Variants in ADGRA1 observed in about 807,000 individuals in gnomAD.
ADGRA1 encodes the protein G-protein coupled receptor 123.
ADGRA1 carries 12 observed loss-of-function variants against 21.3 expected under a neutral mutation model. The ratio of observed to expected loss-of-function variants is 0.56; its 90% CI spans 0.36 to 0.91. The LOEUF is 0.91. Among genes scored for constraint, ADGRA1 ranks in the 40% least tolerant of loss-of-function variants. ADGRA1 has a pLI of 0.01. For missense variants in ADGRA1, 790 were observed against 805.6 expected, an observed-to-expected ratio of 0.98 and a Z score of 0.23; for synonymous variants, 385 against 368.8, an observed-to-expected ratio of 1.04 and a Z score of -0.50.
chr10:133,105,436 C>T (rs542913555), intron 5 of ADGRA1, among the ~76,000 whole-genome samples: 55 of 152,036 alleles, frequency 3.6e-4, no homozygotes, highest in African/African-American at 1.1e-3. Flanking sequence ...GAACTCAGGA[C>T]GCTCCTGAGC....
intron 5 of ADGRA1, among the ~76,000 whole-genome samples, chr10:133,119,066 G>GCA (rs578078229): frequency 6.6e-6 from 1 of 151,716 alleles, no homozygotes; most frequent in Non-Finnish European, 1.5e-5. Flanking sequence ...ATTGCACACT[G>GCA]CACACACACA....
rs973888353 is a variant in ADGRA1, at chr10:133,128,973, C to T, written c.1145C>T (p.Pro382Leu). 1.3e-6 allele frequency: 2 copies of T among 1,559,060 alleles called. No individual in the cohort carries two copies. Among genetic ancestry groups the T allele is most frequent in the Admixed American group, 1.8e-5 (1 of 54,874 alleles). ...GHASCLSPATPCCAKMHCEPL... is the reference protein window; with the variant it reads ...GHASCLSPATLCCAKMHCEPL... ...GCCAGTTGCCTGTCACCGGCCACCCCGTGCTGCGCCAAGATGCACTGCGAG... is the reference window on the plus strand; with the variant it reads ...GCCAGTTGCCTGTCACCGGCCACCCTGTGCTGCGCCAAGATGCACTGCGAG... The change falls in exon 7 of 7, where the codon CCG becomes CTG. Residue 382 changes from proline (P) to leucine (L), a missense_variant. Pro to Leu is a moderately conservative substitution (Grantham distance 98). Transcript: ENST00000392607.
intron 5 of ADGRA1, among the ~76,000 whole-genome samples, chr10:133,117,715 A>G (rs543516165): frequency 9.8e-5 from 15 of 152,378 alleles, no homozygotes; most frequent in African/African-American, 3.6e-4. Context: ...TGGGTTCTGC[A>G]CACGTGACCT....
chr10:133,128,779 G>C lies in ADGRA1; in HGVS notation c.951G>C (p.Trp317Cys), dbSNP rs1399045823. The C allele has an allele frequency of 6.2e-7, 1 of 1,610,662 alleles. No homozygotes were observed. Among genetic ancestry groups the C allele is most frequent in the Non-Finnish European group, 8.5e-7 (1 of 1,179,082 alleles). Residue 317 changes from tryptophan (W) to cysteine (C), a missense_variant, in exon 7 of 7, where the codon TGG becomes TGC. By Grantham distance (215) the Trp-to-Cys change is radical. Around this residue, in one of 3 missense-constraint regions of ADGRA1, gnomAD observed 17 missense variants for 38.5 expected, o/e 0.44. Transcript: ENST00000392607. ...AGCGTGAGGACGTGTGGCAGTGCTG[G>C]TGGGCATGCTGCCCGCCCCGCAAGG... is the stretch of plus-strand genomic sequence containing the variant. ...CAKREDVWQC[W>C]WACCPPRKDA...
chr10:133,096,960 T>C lies in ADGRA1; in HGVS notation c.4-14T>C, dbSNP rs1339960055. On this transcript the variant is annotated splice_polypyrimidine_tract_variant and intron_variant, in intron 2 of 6. Coordinates refer to ENST00000392607, the MANE Select transcript of ADGRA1 (RefSeq NM_001083909.3). ...ACCAGCCAGTCACACACGTCTCCTT[T>C]GCTTTATCCTCAGGATCTGAAGACA... 3.1e-6 allele frequency: 5 copies of C among 1,604,760 alleles called. No individual in the cohort carries two copies. Among genetic ancestry groups the C allele is most frequent in the Non-Finnish European group, 4.3e-6 (5 of 1,172,542 alleles).
rs190685554 is a variant in ADGRA1, at chr10:133,104,374, G to C, written c.401+1532G>C. On this transcript the variant is annotated intron_variant, in intron 5 of 6. Coordinates refer to ENST00000392607, the MANE Select transcript of ADGRA1 (RefSeq NM_001083909.3). ...GTTTCCTCATCTGTAATTGATGGAA[G>C]AGCTGCCTGGTTTTGAAGACCAGGC... 5.0e-3 allele frequency among the ~76,000 whole-genome samples: 768 copies of C among 152,330 alleles called. 11 individuals carry two copies. The highest frequency in any genetic ancestry group is 0.018 in the African/African-American group (732 of 41,586).
chr10:133,112,321 T>A (rs1852048773), intron 5 of ADGRA1, among the ~76,000 whole-genome samples: 1 of 151,844 alleles, frequency 6.6e-6, no homozygotes, highest in African/African-American at 2.4e-5. Context: ...GCGGGCCGCA[T>A]CGGTTATCTG....
In ADGRA1 at chr10:133,114,444, T is replaced by C. The variant is rs368807145; in HGVS notation, c.401+11602T>C. On this transcript the variant is annotated intron_variant, in intron 5 of 6. Transcript: ENST00000392607. ...AGCGTCCTCAGCTCATGTCTGGAGC[T>C]GGGCATTGTGGTGCCGTCTGCAGGG... Among the ~76,000 whole-genome samples the C allele has an allele frequency of 1.9e-4, 29 of 152,298 alleles. No homozygotes were observed. The East Asian group carries it at 3.1e-3, about 16-fold the overall frequency.
At chr10:133,095,991 C>A (rs1454011390) in intron 2 of ADGRA1, among the ~76,000 whole-genome samples, 2 of 143,872 alleles carry the variant, frequency 1.4e-5, no homozygotes, top group African/African-American at 5.0e-5. Context: ...GCGGCTGCAG[C>A]CCTCACCCCT....
In ADGRA1 at chr10:133,093,022, G is replaced by A. The variant is rs769590057; in HGVS notation, c.4-3952G>A. 39 of 1,595,210 alleles carry A rather than the reference G, an allele frequency of 2.4e-5. 2 individuals are homozygous for A. The highest frequency in any genetic ancestry group is 4.4e-5 in the South Asian group (4 of 89,898). On this transcript the variant is annotated intron_variant, in intron 2 of 6. Coordinates refer to ENST00000392607, the MANE Select transcript of ADGRA1 (RefSeq NM_001083909.3). Reference sequence around the variant, plus strand: ...AGGAAAGAAGGTTCCTCAGCCAGTCGGAGCTGCAGACCTGGCCCCGGACAC... The same window carrying A: ...AGGAAAGAAGGTTCCTCAGCCAGTCAGAGCTGCAGACCTGGCCCCGGACAC...
At chr10:133,119,562 T>C (rs1050738503) in intron 5 of ADGRA1, among the ~76,000 whole-genome samples, 2 of 152,226 alleles carry the variant, frequency 1.3e-5, no homozygotes, top group African/African-American at 4.8e-5. Flanking sequence ...CAACTCAGTG[T>C]ATGAAATAGT....
chr10:133,125,620 G>A (rs1356016683), intron 5 of ADGRA1, among the ~76,000 whole-genome samples: 2 of 151,862 alleles, frequency 1.3e-5, no homozygotes, highest in African/African-American at 2.4e-5. Flanking sequence ...TAGTACAGAC[G>A]GGGTTTCACT....
intron 6 of ADGRA1, 24 bp downstream of exon 6, chr10:133,127,355 G>T: frequency 1.3e-6 from 2 of 1,536,494 alleles, no homozygotes; most frequent in Non-Finnish European, 1.8e-6. Context: ...ACCCAGAACC[G>T]GGAGCTGGGA....
chr10:133,128,537 G>T lies in ADGRA1; in HGVS notation c.709G>T (p.Ala237Ser), dbSNP rs763841963. Residue 237 changes from alanine (A) to serine (S), a missense_variant, in exon 7 of 7, where the codon GCA becomes TCA. Physicochemically the swap from Ala to Ser is moderately conservative, Grantham distance 99. Around this residue, in one of 3 missense-constraint regions of ADGRA1, gnomAD observed 382 missense variants for 415.6 expected, o/e 0.92. Transcript: ENST00000392607. ...GRGIRPGTPP[A>S]HDAPGASVLQ... Reference sequence around the variant, plus strand: ...TGGGATCCGGCCAGGCACCCCACCCGCACACGATGCCCCCGGCGCCTCCGT... The same window carrying T: ...TGGGATCCGGCCAGGCACCCCACCCTCACACGATGCCCCCGGCGCCTCCGT... The T allele has an allele frequency of 1.3e-6, 2 of 1,549,042 alleles. No individual in the cohort carries two copies. Among genetic ancestry groups the T allele is most frequent in the African/African-American group, 1.4e-5 (1 of 73,182 alleles).
At chr10:133,101,749 C>T (rs1405589940) in intron 4 of ADGRA1, among the ~76,000 whole-genome samples, 2 of 152,190 alleles carry the variant, frequency 1.3e-5, no homozygotes, top group East Asian at 1.9e-4. Context: ...GGATGGGACA[C>T]GACCCCACAC....
rs984605707 is a variant in ADGRA1, at chr10:133,130,850, GCACA to G, written c.*1346_*1349del. ...CCAAACACGTGCATATCACACACAC[GCACA>G]CACACAAACACGTGCATATCACACA... On this transcript the variant is annotated 3_prime_UTR_variant, in exon 7 of 7. Transcript: ENST00000392607. 7.8e-5 allele frequency: 11 copies of G among 140,650 alleles called. No homozygotes were observed. The highest frequency in any genetic ancestry group is 1.9e-4 in the African/African-American group (7 of 37,134). 8.7% of individuals were successfully genotyped at this position (140,650 alleles called of 1,614,324 possible).
At chr10:133,101,370 GAC>G (rs1400482595) in intron 4 of ADGRA1, among the ~76,000 whole-genome samples, 2 of 152,242 alleles carry the variant, frequency 1.3e-5, no homozygotes, top group African/African-American at 2.4e-5. Flanking sequence ...CATGCTAAGT[GAC>G]ACATTCAACA....
intron 5 of ADGRA1, among the ~76,000 whole-genome samples, chr10:133,110,304 C>G (rs1249062177): frequency 6.6e-6 from 1 of 152,282 alleles, no homozygotes; most frequent in Admixed American, 6.5e-5. Flanking sequence ...CTCCTGTGTG[C>G]TCTGCCAGCT....
In ADGRA1 at chr10:133,129,792, G is replaced by T. The variant is rs1591193698; in HGVS notation, c.*281G>T. On this transcript the variant is annotated 3_prime_UTR_variant, in exon 7 of 7. Transcript: ENST00000392607. The stretch of plus-strand genomic sequence containing the variant: ...TATCCCAATTCCGCGTGCTGGTCCC[G>T]CACACGGTCATCCGGTTTCTGTCCT... 2.4e-6 allele frequency: 1 copy of T among 420,378 alleles called. No homozygotes were observed. The highest frequency in any genetic ancestry group is 4.4e-6 in the Non-Finnish European group (1 of 227,764). 26.0% of individuals were successfully genotyped at this position (420,378 alleles called of 1,614,324 possible).
Sources: allele counts gnomAD v4.1 joint callset (sites outside exome capture counted in the v4.1 genomes callset), GRCh38; gene constraint gnomAD v4.1.1; regional missense constraint gnomAD v4.1.1; transcripts MANE v1.5; gene names NCBI Gene and HGNC (gene_info 2026-07-23, HGNC 2026-07-21).